Variants in DUSP10 observed in about 807,000 individuals in gnomAD.
The protein encoded by DUSP10 is dual specificity protein phosphatase 10.
In DUSP10, 14 loss-of-function variants were observed where a neutral mutation model predicts 30.8. The observed-to-expected ratio is 0.46, with a 90% confidence interval of 0.30 to 0.71. The LOEUF (loss-of-function observed/expected upper bound fraction) is 0.71, where lower values mean the gene tolerates loss of function less well. Ranked by LOEUF, DUSP10 falls within the 30% of genes least tolerant of loss-of-function variation. The pLI, the probability that DUSP10 is intolerant of heterozygous loss-of-function variation, is 0.08. For synonymous variants in DUSP10, 254 were observed against 250.4 expected (o/e 1.01, Z -0.14); for missense variants, 550 against 619.4 (o/e 0.89, Z 1.19).
intron 3 of DUSP10, among the ~76,000 whole-genome samples, chr1:221,705,451 C>CA (rs936953135): frequency 1.3e-5 from 2 of 152,152 alleles, no homozygotes; most frequent in Non-Finnish European, 2.9e-5. Context: ...ATAGAAGTTG[C>CA]AGAAATTAAG....
chr1:221,739,816 GAATA>G (rs1440895343), intron 1 of DUSP10, 29 bp from the exon 2 acceptor site: 2 of 1,495,296 alleles, frequency 1.3e-6, no homozygotes, highest in Non-Finnish European at 1.8e-6. Context: ...GGGAAAGAAA[GAATA>G]AAGTCACGTG....
rs188626685 is a variant in DUSP10, at chr1:221,715,813, C to T, written c.812-9347G>A. Among the ~76,000 whole-genome samples, 6 of 152,214 alleles carry T rather than the reference C, an allele frequency of 3.9e-5. No homozygotes were observed. In the East Asian group the frequency reaches 1.2e-3, roughly 29 times the overall value. On this transcript the variant is annotated intron_variant, in intron 2 of 3. Coordinates refer to ENST00000366899, the MANE Select transcript of DUSP10 (RefSeq NM_007207.6). ...TGAACTGTTAAGATCTCAAGAGTTC[C>T]CAGAGCCAGGAAGCCCCTCAGGTTT...
intron 3 of DUSP10, among the ~76,000 whole-genome samples, chr1:221,703,516 C>T (rs139539010): frequency 2.8e-4 from 43 of 152,306 alleles, no homozygotes; most frequent in African/African-American, 1.0e-3. Flanking sequence ...TAGTAGTATA[C>T]AGGCCGAGGG....
At chr1:221,741,916 C>T (rs960093245) in intron 1 of DUSP10, 65 bp downstream of exon 1, 1 of 152,448 alleles carries the variant, frequency 6.6e-6, no homozygotes, top group Non-Finnish European at 1.5e-5. Flanking sequence ...CACACAAGCA[C>T]CGCCTTACAA....
intron 2 of DUSP10, among the ~76,000 whole-genome samples, chr1:221,730,030 C>T (rs1290341382): frequency 2.6e-5 from 4 of 152,062 alleles, no homozygotes; most frequent in African/African-American, 9.7e-5. Flanking sequence ...TGCTGTCACC[C>T]TAAGACCCTC....
At chr1:221,713,276 T>TA (rs1381477261) in intron 2 of DUSP10, among the ~76,000 whole-genome samples, 1 of 152,162 alleles carries the variant, frequency 6.6e-6, no homozygotes, top group Non-Finnish European at 1.5e-5. Context: ...GCTGTTAGCC[T>TA]AGTCTACACT....
intron 2 of DUSP10, among the ~76,000 whole-genome samples, chr1:221,720,272 A>G (rs1661243319): frequency 6.6e-6 from 1 of 152,172 alleles, no homozygotes; most frequent in Admixed American, 6.5e-5. Context: ...GCTTAATTAG[A>G]GGATTGGGAC....
intron 2 of DUSP10, among the ~76,000 whole-genome samples, chr1:221,737,996 C>T (rs1300258831): frequency 6.6e-6 from 1 of 152,156 alleles, no homozygotes. Context: ...CTCACTACCA[C>T]CACCAGGTAA....
chr1:221,740,316 G>T (rs1661914432), intron 1 of DUSP10, among the ~76,000 whole-genome samples: 1 of 152,228 alleles, frequency 6.6e-6, no homozygotes, highest in African/African-American at 2.4e-5. Context: ...CAGGGTGGAT[G>T]TCAACTTTCT....
intron 3 of DUSP10, among the ~76,000 whole-genome samples, chr1:221,705,372 A>G (rs145134476): frequency 3.0e-3 from 456 of 152,180 alleles, no homozygotes; most frequent in African/African-American, 0.01. Context: ...CGGCCTCCCA[A>G]TGTGCTGGGA....
chr1:221,726,258 A>G (rs913306961), intron 2 of DUSP10, among the ~76,000 whole-genome samples: 1 of 152,212 alleles, frequency 6.6e-6, no homozygotes, highest in Non-Finnish European at 1.5e-5. Context: ...TGGGGAGTGC[A>G]GTTGGGTGGG....
At chr1:221,736,496 GAGA>G (rs1057348633) in intron 2 of DUSP10, among the ~76,000 whole-genome samples, 9 of 147,394 alleles carry the variant, frequency 6.1e-5, no homozygotes, top group Middle Eastern at 3.6e-3. Context: ...AATCTGAGAG[GAGA>G]AGCCAGACCA....
At chr1:221,722,050 T>A (rs1661293322) in intron 2 of DUSP10, among the ~76,000 whole-genome samples, 1 of 152,180 alleles carries the variant, frequency 6.6e-6, no homozygotes, top group Non-Finnish European at 1.5e-5. Context: ...AAATCAGTAA[T>A]TTGGAGTTCC....
intron 2 of DUSP10, among the ~76,000 whole-genome samples, chr1:221,730,667 A>G (rs1375109734): frequency 6.6e-6 from 1 of 152,200 alleles, no homozygotes; most frequent in East Asian, 1.9e-4. Flanking sequence ...AATAGGTAAG[A>G]GCCTTTATCT....
intron 2 of DUSP10, among the ~76,000 whole-genome samples, chr1:221,715,791 A>G (rs1174630239): frequency 2.6e-5 from 4 of 152,298 alleles, no homozygotes; most frequent in Non-Finnish European, 5.9e-5. Context: ...CAGGATTTGA[A>G]CTGTTAAGAT....
intron 2 of DUSP10, among the ~76,000 whole-genome samples, chr1:221,724,044 A>G (rs998740636): frequency 1.3e-5 from 2 of 152,238 alleles, no homozygotes; most frequent in African/African-American, 2.4e-5. Flanking sequence ...ATCATGCATA[A>G]CAAAGACACT....
At chr1:221,728,018 T>G (rs1022064577) in intron 2 of DUSP10, among the ~76,000 whole-genome samples, 1 of 152,214 alleles carries the variant, frequency 6.6e-6, no homozygotes, top group Non-Finnish European at 1.5e-5. Flanking sequence ...AGACCATAAT[T>G]GCATGGCCAT....
At chr1:221,711,732 A>G (rs994565000) in intron 2 of DUSP10, 6 of 152,226 alleles carry the variant, frequency 3.9e-5, no homozygotes, top group African/African-American at 1.4e-4. Flanking sequence ...AGCTCTCAAT[A>G]TGGATAAAAT....
chr1:221,738,901 G>A (rs769607492), intron 2 of DUSP10, 33 bp downstream of exon 2: 1 of 1,566,548 alleles, frequency 6.4e-7, no homozygotes, highest in Non-Finnish European at 8.6e-7. Context: ...CGGCTAATCA[G>A]GACCGTGCTT....
Sources: gnomAD v4.1 joint callset for allele counts (sites outside exome capture counted in the v4.1 genomes callset) on GRCh38, gnomAD v4.1.1 for gene constraint, MANE v1.5 for transcripts, NCBI Gene and HGNC (gene_info 2026-07-23, HGNC 2026-07-21) for gene names.